MAML3: variants seen among roughly 807,000 people sequenced by gnomAD.
The protein encoded by MAML3 is mastermind-like protein 3.
Under a neutral mutation model 101.9 loss-of-function variants are expected in MAML3, and 27 were observed. The observed-to-expected ratio is 0.27, with a 90% CI of 0.20 to 0.37. MAML3 has a LOEUF of 0.37. Among genes scored for constraint, MAML3 ranks in the 10% least tolerant of loss-of-function variants. The pLI, the probability that MAML3 is intolerant of heterozygous loss-of-function variation, is 1.00. For missense variants in MAML3, 1,316 were observed against 1,444.9 expected, an observed-to-expected ratio of 0.91 and a Z score of 1.45; for synonymous variants, 501 against 555.9, an observed-to-expected ratio of 0.90 and a Z score of 1.39.
intron 1 of MAML3, among the ~76,000 whole-genome samples, chr4:139,970,672 C>A (rs1036146732): frequency 6.6e-6 from 1 of 152,206 alleles, no homozygotes; most frequent in Non-Finnish European, 1.5e-5. Context: ...AGAGAAGCAA[C>A]AAGCCTAAAT....
intron 1 of MAML3, among the ~76,000 whole-genome samples, chr4:139,983,047 G>C (rs540207736): frequency 1.2e-4 from 19 of 152,102 alleles, no homozygotes; most frequent in Non-Finnish European, 1.2e-4. Flanking sequence ...TCATCTATTC[G>C]TGATAGTTAG....
chr4:139,931,460 C>T (rs530587454), intron 1 of MAML3, among the ~76,000 whole-genome samples: 1 of 152,332 alleles, frequency 6.6e-6, no homozygotes, highest in East Asian at 1.9e-4. Context: ...AAAATGCTTT[C>T]TACTCCATGT....
intron 2 of MAML3, among the ~76,000 whole-genome samples, chr4:139,863,343 CTTTTTT>C (rs11439880): frequency 1.7e-5 from 2 of 120,552 alleles, no homozygotes; most frequent in Non-Finnish European, 3.3e-5. Flanking sequence ...TTCCTGTGCC[CTTTTTT>C]TTTTTTTTTT....
Position 140,153,236 on chromosome 4 carries a change from A to T in MAML3, c.92T>A (p.Ile31Asn). 6.3e-7 allele frequency: 1 copy of T among 1,590,030 alleles called. No individual in the cohort carries two copies. Among genetic ancestry groups the T allele is most frequent in the Non-Finnish European group, 8.6e-7 (1 of 1,167,814 alleles). Reference sequence around the variant, plus strand: ...ACTATTGGGAGTATTATTCACACCGATCCCGGCCCCGCCGAGGCTGCTGTT... The same window carrying T: ...ACTATTGGGAGTATTATTCACACCGTTCCCGGCCCCGCCGAGGCTGCTGTT... Reference protein sequence around the residue: ...SLNSSLGGAGIGVNNTPNSTP... With the variant: ...SLNSSLGGAGNGVNNTPNSTP... Residue 31 changes from isoleucine (I) to asparagine (N), a missense_variant, in exon 1 of 5, where the codon ATC (isoleucine) becomes AAC (asparagine). By Grantham distance (149) the Ile-to-Asn change is moderately radical (BLOSUM62 -3). Coordinates refer to ENST00000509479, the MANE Select transcript of MAML3 (RefSeq NM_018717.5).
chr4:139,837,306 C>G (rs1383237019), intron 2 of MAML3, among the ~76,000 whole-genome samples: 1 of 151,710 alleles, frequency 6.6e-6, no homozygotes, highest in East Asian at 1.9e-4. Flanking sequence ...ACCATCCTGG[C>G]TAACACGGTG....
At chr4:139,978,301 A>G (rs1734381762) in intron 1 of MAML3, among the ~76,000 whole-genome samples, 1 of 152,102 alleles carries the variant, frequency 6.6e-6, no homozygotes, top group Non-Finnish European at 1.5e-5. Context: ...GGGAGTGGTG[A>G]GCCTCCCAAG....
chr4:139,814,117 A>G (rs1730854387), intron 2 of MAML3, among the ~76,000 whole-genome samples: 2 of 152,104 alleles, frequency 1.3e-5, no homozygotes, highest in South Asian at 4.2e-4. Context: ...AAGAAGAGGA[A>G]GCGTATCTGA....
intron 1 of MAML3, among the ~76,000 whole-genome samples, chr4:140,088,972 G>T (rs1211062075): frequency 6.6e-6 from 1 of 152,132 alleles, no homozygotes; most frequent in Non-Finnish European, 1.5e-5. Flanking sequence ...TCCACTGGTT[G>T]AGTGCTCTAG....
At chr4:139,889,305 T>C (rs1732411418) in intron 2 of MAML3, 52 bp downstream of exon 2, 3 of 1,613,586 alleles carry the variant, frequency 1.9e-6, no homozygotes, top group African/African-American at 1.3e-5. Flanking sequence ...ACATCGACAG[T>C]CTGAAATGCA....
intron 1 of MAML3, among the ~76,000 whole-genome samples, chr4:139,957,854 A>T (rs1362101475): frequency 6.6e-6 from 1 of 152,226 alleles, no homozygotes; most frequent in East Asian, 1.9e-4. Flanking sequence ...ACCTTAAGCT[A>T]GATAGGAGCA....
intron 1 of MAML3, among the ~76,000 whole-genome samples, chr4:139,902,935 G>A (rs1413781472): frequency 1.3e-5 from 2 of 152,158 alleles, no homozygotes; most frequent in African/African-American, 2.4e-5. Context: ...CCAATCTGAA[G>A]CTAAAAGACA....
intron 1 of MAML3, among the ~76,000 whole-genome samples, chr4:140,067,961 C>G (rs559938555): frequency 6.6e-6 from 1 of 152,296 alleles, no homozygotes; most frequent in South Asian, 2.1e-4. Context: ...GAACTCCTGA[C>G]TTCAGGTGAT....
intron 2 of MAML3, among the ~76,000 whole-genome samples, chr4:139,767,138 C>G (rs375900059): frequency 1.3e-5 from 2 of 152,232 alleles, no homozygotes; most frequent in Non-Finnish European, 2.9e-5. Flanking sequence ...AACAACTTTC[C>G]AGCGGGTACA....
rs17005471 is a variant in MAML3 at position 140,034,816 on chromosome 4, G to C, written c.468+118044C>G. Reference sequence around the variant, plus strand: ...TTGAATCCCTGCTTGTCTAATTCCAGGAAGTTCCAGTTAATAATATACAAC... The same window carrying C: ...TTGAATCCCTGCTTGTCTAATTCCACGAAGTTCCAGTTAATAATATACAAC... On this transcript the variant is annotated intron_variant, in intron 1 of 4. Coordinates refer to ENST00000509479, the MANE Select transcript of MAML3 (RefSeq NM_018717.5). Among the ~76,000 whole-genome samples, 664 of 152,282 alleles carry C rather than the reference G, an allele frequency of 4.4e-3. 6 individuals are homozygous for C. Among genetic ancestry groups the C allele is most frequent in the African/African-American group, 0.015 (608 of 41,568 alleles).
At chr4:140,110,828 A>G (rs1396911384) in intron 1 of MAML3, among the ~76,000 whole-genome samples, 7 of 152,146 alleles carry the variant, frequency 4.6e-5, no homozygotes, top group Non-Finnish European at 1.0e-4. Context: ...CTCCCTAACT[A>G]CCAATAAAGT....
chr4:139,735,422 G>A lies in MAML3; in HGVS notation c.2080-4755C>T, dbSNP rs933203750. ...GGAGGGCGCGGGAAGGGGACGTGGA[G>A]GGAAACGGAAGGGCTGGGAGTGGGG... On this transcript the variant is annotated intron_variant, in intron 2 of 4. Transcript: ENST00000509479. This position sits in a 1 kb window ranked among gnomAD's most constrained non-coding sequence, Gnocchi z 5.8. 2.0e-5 allele frequency among the ~76,000 whole-genome samples: 3 copies of A among 151,868 alleles called. No homozygotes were observed. The highest frequency in any genetic ancestry group is 4.4e-5 in the Non-Finnish European group (3 of 67,954).
intron 2 of MAML3, among the ~76,000 whole-genome samples, chr4:139,778,982 C>CAAAAAAAAA (rs67782985): frequency 1.1e-4 from 11 of 100,620 alleles, no homozygotes; most frequent in Admixed American, 2.1e-4. Flanking sequence ...GACTCCACCT[C>CAAAAAAAAA]AAAAAAAAAA....
intron 1 of MAML3, among the ~76,000 whole-genome samples, chr4:140,112,684 C>T (rs1377254109): frequency 6.6e-6 from 1 of 152,194 alleles, no homozygotes; most frequent in African/African-American, 2.4e-5. Context: ...GCTTGCAGGG[C>T]CAAATGTAGC....
intron 2 of MAML3, among the ~76,000 whole-genome samples, chr4:139,873,084 AAAAT>A (rs576589955): frequency 3.6e-4 from 54 of 152,006 alleles, no homozygotes; most frequent in South Asian, 1.0e-3. Flanking sequence ...TCCATCTCAA[AAAAT>A]AAATAAATAA....
Sources: allele counts gnomAD v4.1 joint callset (sites outside exome capture counted in the v4.1 genomes callset), GRCh38; gene constraint gnomAD v4.1.1; non-coding constraint Gnocchi (gnomAD v3.1); transcripts MANE v1.5; gene names NCBI Gene and HGNC (gene_info 2026-07-23, HGNC 2026-07-21).